Variants in LHFPL1 observed in about 807,000 individuals in gnomAD.
The protein encoded by LHFPL1 is LHFPL tetraspan subfamily member 1, also known as LHFPL tetraspan subfamily member 1 protein.
LHFPL1 carries 4 observed loss-of-function variants against 12.1 expected under a neutral mutation model. That is an observed-to-expected ratio of 0.33 (90% CI 0.16 to 0.76). LHFPL1 has a LOEUF of 0.76. Among genes scored for constraint, LHFPL1 ranks in the 30% least tolerant of loss-of-function variants. The pLI is 0.61. For missense variants in LHFPL1, 141 were observed against 174.1 expected, an observed-to-expected ratio of 0.81 and a Z score of 1.07; for synonymous variants, 52 against 61.9, an observed-to-expected ratio of 0.84 and a Z score of 0.75.
At chrX:112,648,928 T>C (rs1305821089) in intron 3 of LHFPL1, among the ~76,000 whole-genome samples, 3 of 111,966 alleles carry the variant, frequency 2.7e-5, no homozygotes, top group Admixed American at 1.9e-4. Flanking sequence ...TAATAGGAAG[T>C]AGTAAATATT....
At position 112,676,624 on chromosome X, in the gene LHFPL1, T is replaced by C. The variant is rs1367734743; in HGVS notation, c.-15+3205A>G. The stretch of plus-strand genomic sequence containing the variant: ...AATGTTTGCTCATCTTTAGAGATAA[T>C]GCTAGCCATTCTAGCACAGCCTCGT... On this transcript the variant is annotated intron_variant, in intron 1 of 3. Transcript: ENST00000371968. 3.6e-5 allele frequency among the ~76,000 whole-genome samples: 4 copies of C among 112,331 alleles called. No homozygotes were observed. In the East Asian group the frequency reaches 1.1e-3, roughly 31 times the overall value.
chrX:112,674,433 T>C (rs1324821504), intron 1 of LHFPL1, among the ~76,000 whole-genome samples: 1 of 111,143 alleles, frequency 9.0e-6, no homozygotes, highest in Non-Finnish European at 1.9e-5. Flanking sequence ...AAAACAAAGA[T>C]AAATAGCGGG....
chrX:112,634,359 C>T (rs1291572320), intron 3 of LHFPL1, among the ~76,000 whole-genome samples: 1 of 111,255 alleles, frequency 9.0e-6, no homozygotes, highest in African/African-American at 3.3e-5. Flanking sequence ...CTTCTAACCC[C>T]CTTCAACAAA....
At chrX:112,634,884 A>T (rs1930293948) in intron 3 of LHFPL1, among the ~76,000 whole-genome samples, 1 of 112,117 alleles carries the variant, frequency 8.9e-6, no homozygotes, top group Admixed American at 9.4e-5. Flanking sequence ...GGGGAAATGT[A>T]TCTTCCATCC....
At chrX:112,666,040 A>G (rs57724545) in intron 2 of LHFPL1, among the ~76,000 whole-genome samples, 12,379 of 111,671 alleles carry the variant, frequency 0.11, 1,706 homozygotes, top group African/African-American at 0.38. Flanking sequence ...CCCCTCCACT[A>G]TTCACAAGTG....
chrX:112,643,081 A>T (rs1398651647), intron 3 of LHFPL1, among the ~76,000 whole-genome samples: 25 of 53,042 alleles, frequency 4.7e-4, no homozygotes, highest in African/African-American at 3.4e-3. Context: ...TGGGTAATTT[A>T]AAAAAAAAAA....
intron 1 of LHFPL1, among the ~76,000 whole-genome samples, chrX:112,673,792 A>C (rs1428937781): frequency 8.9e-6 from 1 of 111,920 alleles, no homozygotes; most frequent in South Asian, 3.7e-4. Flanking sequence ...TATTACCCCA[A>C]AAGTATTACA....
intron 3 of LHFPL1, among the ~76,000 whole-genome samples, chrX:112,644,453 TTG>T (rs111620839): frequency 0.019 from 1,964 of 104,116 alleles, 32 homozygotes; most frequent in African/African-American, 0.047. Flanking sequence ...TTTCTCCTGT[TTG>T]TGTGTGTGTG....
intron 3 of LHFPL1, among the ~76,000 whole-genome samples, chrX:112,639,998 T>G (rs1171662943): frequency 8.9e-6 from 1 of 111,826 alleles, no homozygotes. Context: ...GGAAATTGGT[T>G]CCTCTCCCCT....
intron 3 of LHFPL1, among the ~76,000 whole-genome samples, chrX:112,658,672 A>G (rs1931085563): frequency 9.0e-6 from 1 of 111,287 alleles, no homozygotes; most frequent in Non-Finnish European, 1.9e-5. Context: ...ACCATTGTAC[A>G]TTGTTGGTGG....
chrX:112,632,009 G>A (rs955663616), intron 3 of LHFPL1, among the ~76,000 whole-genome samples: 5 of 111,373 alleles, frequency 4.5e-5, no homozygotes, highest in Admixed American at 2.9e-4. Flanking sequence ...TACAAAGGAC[G>A]AAGCAACTGA....
intron 2 of LHFPL1, 98 bp from the exon 3 acceptor site, chrX:112,660,823 A>G (rs755511926): frequency 8.6e-6 from 5 of 580,463 alleles, no homozygotes; most frequent in Non-Finnish European, 1.4e-5. Context: ...TGCCTCCTCA[A>G]CTGAGCTTAC....
intron 3 of LHFPL1, among the ~76,000 whole-genome samples, chrX:112,656,085 C>T (rs1930990154): frequency 9.0e-6 from 1 of 111,441 alleles, no homozygotes; most frequent in Non-Finnish European, 1.9e-5. Context: ...GTCAATATCC[C>T]TAATAAATAT....
In LHFPL1 at chrX:112,631,615, G is replaced by A. The variant is rs1296688331; in HGVS notation, c.482-14C>T. On this transcript the variant is annotated splice_polypyrimidine_tract_variant and intron_variant, in intron 3 of 3. Coordinates refer to ENST00000371968, the MANE Select transcript of LHFPL1 (RefSeq NM_178175.4). The stretch of plus-strand genomic sequence containing the variant: ...GCCGACAGGTACCTGTGAGAACAGG[G>A]ACAGAGAATGAGGATTGGGTTGTCT... The A allele has an allele frequency of 5.3e-6, 6 of 1,138,042 alleles. No individual in the cohort carries two copies. The Admixed American group carries it at 9.1e-5, about 17-fold the overall frequency. 93.8% of individuals were successfully genotyped at this position (1,138,042 alleles called of 1,213,427 possible). A position where few individuals can be genotyped will look rare whatever the true frequency, so the allele number is the denominator to read the frequency against.
intron 1 of LHFPL1, among the ~76,000 whole-genome samples, chrX:112,677,917 C>T (rs1327555879): frequency 9.0e-6 from 1 of 110,553 alleles, no homozygotes; most frequent in Non-Finnish European, 1.9e-5. Context: ...CCTTCTTCTT[C>T]CTTCCCTCCT....
At chrX:112,648,599 A>G (rs758077124) in intron 3 of LHFPL1, 1 of 111,728 alleles carries the variant, frequency 9.0e-6, no homozygotes, top group Admixed American at 9.5e-5. Flanking sequence ...CTTCTACCTT[A>G]ATAGACTAGA....
intron 3 of LHFPL1, among the ~76,000 whole-genome samples, chrX:112,640,000 C>G (rs1215550773): frequency 8.9e-6 from 1 of 111,828 alleles, no homozygotes; most frequent in East Asian, 2.8e-4. Context: ...AAATTGGTTC[C>G]TCTCCCCTAA....
At chrX:112,637,888 G>A (rs1930391098) in intron 3 of LHFPL1, among the ~76,000 whole-genome samples, 1 of 112,076 alleles carries the variant, frequency 8.9e-6, no homozygotes, top group African/African-American at 3.2e-5. Flanking sequence ...AGCTGCTACT[G>A]TAGAAGGAAA....
intron 3 of LHFPL1, among the ~76,000 whole-genome samples, chrX:112,639,283 G>A (rs923488387): frequency 7.3e-5 from 8 of 109,084 alleles, no homozygotes; most frequent in Non-Finnish European, 1.3e-4. Context: ...AGAACCTACT[G>A]AAGATTCCAG....
Sources: gnomAD v4.1 joint callset for allele counts (sites outside exome capture counted in the v4.1 genomes callset) on GRCh38, gnomAD v4.1.1 for gene constraint, MANE v1.5 for transcripts, NCBI Gene and HGNC (gene_info 2026-07-23, HGNC 2026-07-21) for gene names.